Variants in STOX2 observed in about 807,000 individuals in gnomAD.
The protein encoded by STOX2 is storkhead box 2.
STOX2 carries 28 observed loss-of-function variants against 60.9 expected under a neutral mutation model. The ratio of observed to expected loss-of-function variants is 0.46; its 90% CI spans 0.34 to 0.63. The LOEUF is 0.63. Among genes scored for constraint, STOX2 ranks in the 30% least tolerant of loss-of-function variants. The pLI, the probability that STOX2 is intolerant of heterozygous loss-of-function variation, is 0.01. For missense variants in STOX2, 1,024 were observed against 1,187.7 expected, an observed-to-expected ratio of 0.86 and a Z score of 2.03; for synonymous variants, 472 against 463.9, an observed-to-expected ratio of 1.02 and a Z score of -0.22.
At chr4:183,804,584 G>C (rs754138045) in intron 1 of STOX2, among the ~76,000 whole-genome samples, 1 of 152,162 alleles carries the variant, frequency 6.6e-6, no homozygotes, top group Admixed American at 6.5e-5. Flanking sequence ...GGTTGGGGTC[G>C]GCAGAAAATT....
chr4:183,958,945 G>T (rs1296624378), intron 1 of STOX2, among the ~76,000 whole-genome samples: 1 of 152,124 alleles, frequency 6.6e-6, no homozygotes, highest in African/African-American at 2.4e-5. Context: ...GCTCTCTGTG[G>T]ATACATTTGC....
chr4:183,979,505 T>C (rs1732573458), intron 1 of STOX2, among the ~76,000 whole-genome samples: 1 of 152,216 alleles, frequency 6.6e-6, no homozygotes, highest in Admixed American at 6.5e-5. Flanking sequence ...AGTATAATTT[T>C]CTGAGATGAT....
chr4:183,818,667 G>C (rs1739215848), intron 1 of STOX2, among the ~76,000 whole-genome samples: 1 of 151,832 alleles, frequency 6.6e-6, no homozygotes, highest in Non-Finnish European at 1.5e-5. Flanking sequence ...TCCCAGAAGG[G>C]GCGGCCGGGC....
At position 183,864,222 on chromosome 4, in the gene STOX2, G is replaced by T. The variant is rs570565267; in HGVS notation, c.364+66167G>T. On this transcript the variant is annotated intron_variant, in intron 1 of 2. Transcript: ENST00000513034. ...TCCTAACATGCACTGTTATTCTCCAGAACGGAGATAAAACAGTTATTATTT... is the reference window on the plus strand; with the variant it reads ...TCCTAACATGCACTGTTATTCTCCATAACGGAGATAAAACAGTTATTATTT... 7.2e-5 allele frequency among the ~76,000 whole-genome samples: 11 copies of T among 152,196 alleles called. No individual in the cohort carries two copies. The South Asian group carries it at 2.3e-3, about 32-fold the overall frequency.
intron 1 of STOX2, among the ~76,000 whole-genome samples, chr4:183,842,835 T>C (rs2111132761): frequency 6.7e-6 from 1 of 149,174 alleles, no homozygotes; most frequent in Admixed American, 6.6e-5. Context: ...TTTAAATTCT[T>C]TTTTTTTTTT....
chr4:183,878,956 A>C (rs2111170600), intron 1 of STOX2, among the ~76,000 whole-genome samples: 1 of 150,878 alleles, frequency 6.6e-6, no homozygotes, highest in South Asian at 2.1e-4. Flanking sequence ...TTTAGGTCTA[A>C]ACTATTTTGA....
intron 1 of STOX2, among the ~76,000 whole-genome samples, chr4:183,955,793 C>T (rs1416379420): frequency 2.6e-5 from 4 of 151,316 alleles, no homozygotes; most frequent in African/African-American, 9.7e-5. Context: ...TTGTTTTGAT[C>T]TCTGGAGGCA....
chr4:183,917,970 G>A (rs1741979896), intron 1 of STOX2, among the ~76,000 whole-genome samples: 1 of 152,200 alleles, frequency 6.6e-6, no homozygotes. Flanking sequence ...ATGAGCAAAT[G>A]CAATCAAAAT....
chr4:183,911,947 T>A lies in STOX2; in HGVS notation c.166+4991T>A, dbSNP rs141805740. On this transcript the variant is annotated intron_variant, in intron 1 of 3. Transcript: ENST00000308497. ...GATATAGTCTACTCCAAATTGACCT[T>A]ATCCACAGTAACACAAGAAAGAAAG... 8.4e-3 allele frequency among the ~76,000 whole-genome samples: 1,272 copies of A among 152,310 alleles called. 22 individuals are homozygous for A. Among genetic ancestry groups the A allele is most frequent in the African/African-American group, 0.029 (1,196 of 41,574 alleles).
At chr4:183,928,829 AC>A (rs1742321583) in intron 1 of STOX2, among the ~76,000 whole-genome samples, 1 of 152,004 alleles carries the variant, frequency 6.6e-6, no homozygotes, top group African/African-American at 2.4e-5. Context: ...CAAAAAAAAA[AC>A]AACAAAAAAA....
At chr4:183,961,604 C>G (rs1163092036) in intron 1 of STOX2, among the ~76,000 whole-genome samples, 1 of 152,072 alleles carries the variant, frequency 6.6e-6, no homozygotes, top group Non-Finnish European at 1.5e-5. Flanking sequence ...AGTGCAGTAC[C>G]CCTAAATCTT....
At position 183,929,243 on chromosome 4, in the gene STOX2, G is replaced by A. The variant is rs564973302; in HGVS notation, c.166+22287G>A. Among the ~76,000 whole-genome samples the A allele has an allele frequency of 5.3e-5, 8 of 152,332 alleles. No homozygotes were observed. In the South Asian group the frequency reaches 1.7e-3, roughly 32 times the overall value. ...CAGCATACAGGATGAGACCAAAAGAGTTCAGAGCTGTGCCCCAAATATCAA... is the reference window on the plus strand; with the variant it reads ...CAGCATACAGGATGAGACCAAAAGAATTCAGAGCTGTGCCCCAAATATCAA... On this transcript the variant is annotated intron_variant, in intron 1 of 3. Transcript: ENST00000308497.
At chr4:183,871,891 AAG>A (rs1740701673) in intron 1 of STOX2, among the ~76,000 whole-genome samples, 1 of 152,160 alleles carries the variant, frequency 6.6e-6, no homozygotes. Context: ...ATGGGTTTGT[AAG>A]AGAGATAGAG....
At chr4:183,986,689 A>T (rs1732855793) in intron 1 of STOX2, among the ~76,000 whole-genome samples, 1 of 152,188 alleles carries the variant, frequency 6.6e-6, no homozygotes, top group South Asian at 2.1e-4. Context: ...AGCGGGTTAT[A>T]CGTTTTGTAG....
Position 183,906,614 on chromosome 4 carries a change from T to TG in STOX2, c.-170dup, listed in dbSNP as rs970886510. ...AATCGGAGCCTTCGCCGTGGGGGTG[T>TG]GGGGGGGCGTGGGGAGGGCCGGACC... On this transcript the variant is annotated 5_prime_UTR_variant, in exon 1 of 4. An upstream open reading frame in the 5' UTR loses its in-frame stop. Transcript: ENST00000308497. 131 of 601,600 alleles carry TG rather than the reference T, an allele frequency of 2.2e-4. No individual in the cohort carries two copies. Among genetic ancestry groups the TG allele is most frequent in the East Asian group, 2.1e-3 (71 of 33,148 alleles). The allele number at this position is 601,600 out of a possible 1,614,324, so 37.3% of individuals were successfully genotyped here.
At chr4:183,818,057 G>A (rs180817435) in intron 1 of STOX2, among the ~76,000 whole-genome samples, 21 of 151,500 alleles carry the variant, frequency 1.4e-4, no homozygotes, top group South Asian at 6.3e-4. Flanking sequence ...GTTTCAAGGC[G>A]ACTATAAATA....
At chr4:183,920,206 C>T (rs1352744707) in intron 1 of STOX2, among the ~76,000 whole-genome samples, 1 of 152,158 alleles carries the variant, frequency 6.6e-6, no homozygotes, top group Non-Finnish European at 1.5e-5. Context: ...ACCTCCGCCT[C>T]CTGGGTTCAA....
At chr4:183,819,626 G>A (rs964629438) in intron 1 of STOX2, among the ~76,000 whole-genome samples, 5 of 150,136 alleles carry the variant, frequency 3.3e-5, no homozygotes, top group African/African-American at 1.2e-4. Flanking sequence ...AGGGAGAGGC[G>A]AAATATTTTT....
rs1739311969 is a variant in STOX2 at position 183,821,916 on chromosome 4, T to C, written c.364+23861T>C. On this transcript the variant is annotated intron_variant, in intron 1 of 2. Transcript: ENST00000513034. The surrounding 1 kb of genome is among the most constrained non-coding windows in gnomAD (Gnocchi z 4.2). ...AGAAATGGATGGGGCTTTAGAAGTC[T>C]ATGTCCCCCACCCTGCCCTTCCCTA... is the stretch of plus-strand genomic sequence containing the variant. Among the ~76,000 whole-genome samples the C allele has an allele frequency of 6.6e-6, 1 of 152,248 alleles. No individual in the cohort carries two copies. Among genetic ancestry groups the C allele is most frequent in the Admixed American group, 6.5e-5 (1 of 15,284 alleles).
Sources: gnomAD v4.1 joint callset for allele counts (sites outside exome capture counted in the v4.1 genomes callset) on GRCh38, gnomAD v4.1.1 for gene constraint, Gnocchi (gnomAD v3.1) non-coding constraint, MANE v1.5 for transcripts, NCBI Gene and HGNC (gene_info 2026-07-23, HGNC 2026-07-21) for gene names.